PPARGC1A: variants seen among roughly 807,000 people sequenced by gnomAD.
PPARGC1A encodes the protein PPARG coactivator 1 alpha, also known as peroxisome proliferator-activated receptor gamma coactivator 1-alpha.
Under a neutral mutation model 88.7 loss-of-function variants are expected in PPARGC1A, and 25 were observed. The ratio of observed to expected loss-of-function variants is 0.28; its 90% CI spans 0.21 to 0.39. PPARGC1A has a LOEUF of 0.39. Among genes scored for constraint, PPARGC1A ranks in the 10% least tolerant of loss-of-function variants. The pLI is 1.00. For missense variants in PPARGC1A, 880 were observed against 968.7 expected (o/e 0.91, Z 1.22); for synonymous variants, 363 against 355.6 (o/e 1.02, Z -0.24).
At chr4:23,964,506 A>T in the PPARGC1A span, among the ~76,000 whole-genome samples, 1 of 152,232 alleles carries the variant, frequency 6.6e-6, no homozygotes, top group African/African-American at 2.4e-5. Context: ...AAAGAGAAGC[A>T]TGCTTAAGAC....
chr4:24,466,399 G>A, the PPARGC1A span, among the ~76,000 whole-genome samples: 6 of 152,200 alleles, frequency 3.9e-5, no homozygotes, highest in African/African-American at 1.4e-4. Context: ...GTACAGTGGG[G>A]ATAAGAAGAG....
chr4:23,813,117 TAGC>T lies in PPARGC1A; in HGVS notation c.1799_1801del (p.Cys600del), dbSNP rs1278816276. On this transcript the variant is annotated inframe_deletion, in exon 9 of 13. Coordinates refer to ENST00000264867, the MANE Select transcript of PPARGC1A (RefSeq NM_013261.5). ...TCTGTAGTGGCTTGACTCATAGTAA[TAGC>T]AGGATCTGCGCCAGAGGAGAAAAGC... The T allele has an allele frequency of 6.2e-7, 1 of 1,613,818 alleles. No individual in the cohort carries two copies. The highest frequency in any genetic ancestry group is 8.5e-7 in the Non-Finnish European group (1 of 1,179,888).
At chr4:24,456,543 G>A in the PPARGC1A span, among the ~76,000 whole-genome samples, 2 of 152,214 alleles carry the variant, frequency 1.3e-5, no homozygotes, top group East Asian at 3.9e-4. Context: ...TTTTCCAACA[G>A]CAGGAAATAG....
the PPARGC1A span, among the ~76,000 whole-genome samples, chr4:24,105,095 G>C: frequency 1.3e-5 from 2 of 151,912 alleles, no homozygotes; most frequent in African/African-American, 4.9e-5. Context: ...ATTGGAACAT[G>C]TTTCTAATAT....
the PPARGC1A span, among the ~76,000 whole-genome samples, chr4:24,401,168 A>G: frequency 1.2e-3 from 188 of 151,462 alleles, no homozygotes; most frequent in African/African-American, 3.7e-3. Context: ...ACAGGCGCCC[A>G]CCACTACGCC....
Position 23,884,800 on chromosome 4 carries a change from T to G in PPARGC1A, c.186A>C (p.Ser62=). 6.2e-7 allele frequency: 1 copy of G among 1,613,994 alleles called. No homozygotes were observed. Among genetic ancestry groups the G allele is most frequent in the Non-Finnish European group, 8.5e-7 (1 of 1,179,924 alleles). ...LGGLKWCSDQ[S]EIISNQYNNE... is the part of the protein sequence containing the mutation. The stretch of plus-strand genomic sequence containing the variant: ...TGTTGTACTGATTGGATATTATTTC[T>G]GATTGGTCACTGCACCACTTGAGTC... The change falls in exon 2 of 13, where the codon TCA becomes TCC. Residue 62 remains serine (S), a synonymous_variant. Coordinates refer to ENST00000264867, the MANE Select transcript of PPARGC1A (RefSeq NM_013261.5).
the PPARGC1A span, among the ~76,000 whole-genome samples, chr4:24,317,675 T>G: frequency 2.0e-5 from 3 of 148,862 alleles, no homozygotes; most frequent in African/African-American, 7.4e-5. Flanking sequence ...AGAAATCAGT[T>G]GTAGGGCTGG....
the PPARGC1A span, among the ~76,000 whole-genome samples, chr4:24,422,306 G>A: frequency 6.6e-6 from 1 of 152,292 alleles, no homozygotes; most frequent in South Asian, 2.1e-4. Flanking sequence ...TTGACCTAAA[G>A]CATCACTCAT....
chr4:24,155,513 A>G, the PPARGC1A span, among the ~76,000 whole-genome samples: 1 of 151,464 alleles, frequency 6.6e-6, no homozygotes, highest in Non-Finnish European at 1.5e-5. Flanking sequence ...AGGCATGAGG[A>G]TTGCTTAAGC....
chr4:23,859,951 G>A (rs1204547639), intron 2 of PPARGC1A, among the ~76,000 whole-genome samples: 1 of 151,982 alleles, frequency 6.6e-6, no homozygotes, highest in East Asian at 1.9e-4. Context: ...CCTGAAAAAG[G>A]GCTTTTGAGT....
At position 23,852,877 on chromosome 4, in the gene PPARGC1A, C is replaced by T. The variant is rs542654696; in HGVS notation, c.235-21126G>A. Among the ~76,000 whole-genome samples the T allele has an allele frequency of 3.9e-5, 6 of 152,216 alleles. No individual in the cohort carries two copies. In the East Asian group the frequency reaches 9.6e-4, roughly 24 times the overall value. ...GCATATGCATGTGTGCGTGTTTGCA[C>T]ATGTATTTGTACACCAATTATTTCA... is the stretch of plus-strand genomic sequence containing the variant. On this transcript the variant is annotated intron_variant, in intron 2 of 12. Coordinates refer to ENST00000264867, the MANE Select transcript of PPARGC1A (RefSeq NM_013261.5).
At chr4:24,306,015 T>A in the PPARGC1A span, among the ~76,000 whole-genome samples, 3 of 152,104 alleles carry the variant, frequency 2.0e-5, no homozygotes, top group Non-Finnish European at 4.4e-5. Flanking sequence ...GAAATCTGAA[T>A]GACACCAAAA....
chr4:24,416,487 A>C, the PPARGC1A span, among the ~76,000 whole-genome samples: 1 of 152,118 alleles, frequency 6.6e-6, no homozygotes, highest in Non-Finnish European at 1.5e-5. Flanking sequence ...GGAATGGGAG[A>C]GAAGGGCTGA....
At chr4:24,061,261 G>A in the PPARGC1A span, among the ~76,000 whole-genome samples, 90 of 152,250 alleles carry the variant, frequency 5.9e-4, 1 homozygote, top group African/African-American at 1.9e-3. Context: ...TTGGATTCAC[G>A]GTGCCGAAGA....
intron 12 of PPARGC1A, among the ~76,000 whole-genome samples, chr4:23,800,350 A>T (rs1186215451): frequency 6.6e-6 from 1 of 152,160 alleles, no homozygotes; most frequent in Non-Finnish European, 1.5e-5. Flanking sequence ...ATGGGGAATG[A>T]CATGCAAAGG....
the PPARGC1A span, among the ~76,000 whole-genome samples, chr4:24,094,333 A>G: frequency 2.6e-5 from 4 of 152,212 alleles, no homozygotes; most frequent in African/African-American, 9.6e-5. Flanking sequence ...TAAAAAATCT[A>G]GCTAGAACAT....
At chr4:24,339,191 C>CGTGTGTGTGTGTGTGT in the PPARGC1A span, among the ~76,000 whole-genome samples, 4 of 103,028 alleles carry the variant, frequency 3.9e-5, no homozygotes, top group African/African-American at 1.6e-4. Flanking sequence ...AAGGTTCATC[C>CGTGTGTGTGTGTGTGT]ATGTGTGTGT....
At chr4:23,827,879 G>A (rs1382869252) in intron 5 of PPARGC1A, among the ~76,000 whole-genome samples, 1 of 151,846 alleles carries the variant, frequency 6.6e-6, no homozygotes, top group African/African-American at 2.4e-5. Context: ...AGGTGAAGGA[G>A]GAGAAGGAGA....
intron 2 of PPARGC1A, among the ~76,000 whole-genome samples, chr4:23,862,861 C>A (rs749322160): frequency 1.4e-4 from 22 of 152,146 alleles, no homozygotes; most frequent in Non-Finnish European, 3.1e-4. Context: ...CTTGAAGACA[C>A]CCCTCCTTAT....
Sources: gnomAD v4.1 joint callset for allele counts (sites outside exome capture counted in the v4.1 genomes callset) on GRCh38, gnomAD v4.1.1 for gene constraint, MANE v1.5 for transcripts, NCBI Gene and HGNC (gene_info 2026-07-23, HGNC 2026-07-21) for gene names.